FOXN3: variants seen among roughly 807,000 people sequenced by gnomAD.
FOXN3 encodes forkhead box protein N3.
In FOXN3, 7 loss-of-function variants were observed where a neutral mutation model predicts 38.4. The ratio of observed to expected loss-of-function variants is 0.18; its 90% CI spans 0.10 to 0.34. The LOEUF (loss-of-function observed/expected upper bound fraction) is 0.34, where lower values mean the gene tolerates loss of function less well. Ranked by LOEUF, FOXN3 falls within the 10% of genes least tolerant of loss-of-function variation. The pLI is 1.00. For synonymous variants in FOXN3, 230 were observed against 242.2 expected (o/e 0.95, Z 0.47); for missense variants, 456 against 613.4 (o/e 0.74, Z 2.71).
chr14:89,365,384 T>C (rs1890109872), intron 2 of FOXN3, among the ~76,000 whole-genome samples: 1 of 152,220 alleles, frequency 6.6e-6, no homozygotes, highest in Non-Finnish European at 1.5e-5. Flanking sequence ...AAAATGATCA[T>C]GAAAACATCC....
At chr14:89,271,801 G>GT (rs1329485763) in intron 4 of FOXN3, among the ~76,000 whole-genome samples, 3 of 152,100 alleles carry the variant, frequency 2.0e-5, no homozygotes, top group Admixed American at 6.5e-5. Flanking sequence ...ACTTATAAAC[G>GT]TAACAGGATT....
At chr14:89,341,735 G>A (rs1337881306) in intron 3 of FOXN3, among the ~76,000 whole-genome samples, 1 of 152,118 alleles carries the variant, frequency 6.6e-6, no homozygotes, top group Non-Finnish European at 1.5e-5. Flanking sequence ...GTTTCACGTT[G>A]TACACGGTTG....
At chr14:89,330,938 A>G (rs999073567) in intron 3 of FOXN3, among the ~76,000 whole-genome samples, 6 of 152,248 alleles carry the variant, frequency 3.9e-5, no homozygotes, top group Non-Finnish European at 8.8e-5. Context: ...CTGAAGGAAT[A>G]AACGGCTGCT....
At chr14:89,410,372 C>G (rs1230597764) in intron 2 of FOXN3, among the ~76,000 whole-genome samples, 1 of 152,120 alleles carries the variant, frequency 6.6e-6, no homozygotes, top group Non-Finnish European at 1.5e-5. Context: ...GAGGGAGAAC[C>G]AGCACCCCAG....
At position 89,357,282 on chromosome 14, in the gene FOXN3, C is replaced by G. The variant is rs111955843; in HGVS notation, c.544-6474G>C. 9.9e-3 allele frequency among the ~76,000 whole-genome samples: 1,507 copies of G among 151,860 alleles called. 21 individuals carry two copies. The highest frequency in any genetic ancestry group is 0.035 in the African/African-American group (1,436 of 41,402). On this transcript the variant is annotated intron_variant, in intron 2 of 5. Coordinates refer to ENST00000557258, the MANE Select transcript of FOXN3 (RefSeq NM_005197.4). Reference sequence around the variant, plus strand: ...TTGTGCCACTGCACCCCAACCTGGGCAACAGAGCAAGACCCTGTCTCTTTC... The same window carrying G: ...TTGTGCCACTGCACCCCAACCTGGGGAACAGAGCAAGACCCTGTCTCTTTC...
At chr14:89,291,057 G>T in intron 3 of FOXN3, 2 of 485,796 alleles carry the variant, frequency 4.1e-6, no homozygotes, top group South Asian at 1.5e-5. Context: ...GTTCACATAT[G>T]ACCTCACCCA....
intron 3 of FOXN3, among the ~76,000 whole-genome samples, chr14:89,301,905 G>T (rs1887228505): frequency 1.3e-5 from 2 of 152,116 alleles, no homozygotes; most frequent in Non-Finnish European, 2.9e-5. Context: ...CGACCTCAAA[G>T]GTACCCTGTC....
intron 4 of FOXN3, among the ~76,000 whole-genome samples, chr14:89,206,513 G>A (rs752957672): frequency 2.0e-5 from 3 of 152,322 alleles, no homozygotes; most frequent in Admixed American, 6.5e-5. Flanking sequence ...AGATGATGGC[G>A]TGGACAGCGG....
At chr14:89,312,694 T>A (rs1255917345) in intron 3 of FOXN3, among the ~76,000 whole-genome samples, 1 of 152,228 alleles carries the variant, frequency 6.6e-6, no homozygotes, top group Non-Finnish European at 1.5e-5. Flanking sequence ...CACACCTTGC[T>A]AGCTGGTAGA....
At chr14:89,499,090 C>T (rs1187167610) in intron 1 of FOXN3, among the ~76,000 whole-genome samples, 2 of 152,068 alleles carry the variant, frequency 1.3e-5, no homozygotes, top group Admixed American at 6.5e-5. Context: ...CAGGAAAAGG[C>T]CCCACACTAG....
At chr14:89,274,458 A>G (rs887708992) in intron 4 of FOXN3, among the ~76,000 whole-genome samples, 1 of 152,234 alleles carries the variant, frequency 6.6e-6, no homozygotes, top group African/African-American at 2.4e-5. Flanking sequence ...AGTGACTGAC[A>G]TTCACAGTTC....
chr14:89,189,484 G>A (rs574550155), intron 4 of FOXN3, among the ~76,000 whole-genome samples: 49 of 152,328 alleles, frequency 3.2e-4, no homozygotes, highest in Admixed American at 5.2e-4. Context: ...TGTTTCATCA[G>A]TAAGAGGCTG....
chr14:89,609,760 C>T (rs1402432873), intron 1 of FOXN3, among the ~76,000 whole-genome samples: 1 of 151,918 alleles, frequency 6.6e-6, no homozygotes, highest in African/African-American at 2.4e-5. Context: ...TTCCAGAGCA[C>T]GATCAAGGTC....
At chr14:89,501,498 T>C (rs1302130978) in intron 1 of FOXN3, among the ~76,000 whole-genome samples, 1 of 152,140 alleles carries the variant, frequency 6.6e-6, no homozygotes, top group South Asian at 2.1e-4. Context: ...ACAACCACCT[T>C]GACCCTGTCC....
chr14:89,372,316 T>C (rs1890341742), intron 2 of FOXN3, among the ~76,000 whole-genome samples: 1 of 152,196 alleles, frequency 6.6e-6, no homozygotes, highest in African/African-American at 2.4e-5. Flanking sequence ...GAAAACTCGA[T>C]TACAGTATTA....
intron 3 of FOXN3, among the ~76,000 whole-genome samples, chr14:89,282,445 A>T (rs906090405): frequency 6.6e-6 from 1 of 152,208 alleles, no homozygotes; most frequent in Non-Finnish European, 1.5e-5. Context: ...GGATGATGAC[A>T]CCAGCTGATT....
chr14:89,407,288 G>A (rs771126099), intron 2 of FOXN3, among the ~76,000 whole-genome samples: 2 of 152,088 alleles, frequency 1.3e-5, no homozygotes, highest in Admixed American at 6.5e-5. Flanking sequence ...AAGGAAAGAG[G>A]GCATAGGAGT....
intron 4 of FOXN3, among the ~76,000 whole-genome samples, chr14:89,194,972 C>T (rs1040428945): frequency 1.3e-5 from 2 of 152,044 alleles, no homozygotes; most frequent in South Asian, 2.1e-4. Context: ...TCACTTATTT[C>T]GTCAGCCTTT....
chr14:89,265,579 A>AGG (rs1885951165), intron 4 of FOXN3, among the ~76,000 whole-genome samples: 1 of 152,156 alleles, frequency 6.6e-6, no homozygotes, highest in African/African-American at 2.4e-5. Context: ...GGGGGGATGG[A>AGG]GGGCTCTCCA....
Sources: gnomAD v4.1 joint callset for allele counts (sites outside exome capture counted in the v4.1 genomes callset) on GRCh38, gnomAD v4.1.1 for gene constraint, MANE v1.5 for transcripts, NCBI Gene and HGNC (gene_info 2026-07-23, HGNC 2026-07-21) for gene names.